PDSS2: variants seen among roughly 807,000 people sequenced by gnomAD.
PDSS2 encodes all trans-polyprenyl-diphosphate synthase PDSS2.
A neutral mutation model predicts 44.5 loss-of-function variants in PDSS2; 31 were observed. The observed-to-expected ratio is 0.70, with a 90% confidence interval of 0.52 to 0.94. PDSS2 has a LOEUF of 0.94. Ranked by LOEUF, PDSS2 falls within the 40% of genes least tolerant of loss-of-function variation. The pLI, the probability that PDSS2 is intolerant of heterozygous loss-of-function variation, is 0.00. For missense variants in PDSS2, 452 were observed against 482.2 expected (o/e 0.94, Z 0.59); for synonymous variants, 157 against 180.3 (o/e 0.87, Z 1.03).
chr6:107,223,290 G>C (rs989718118), intron 4 of PDSS2, among the ~76,000 whole-genome samples: 2 of 150,972 alleles, frequency 1.3e-5, no homozygotes, highest in Non-Finnish European at 2.9e-5. Context: ...GGCACTTTGG[G>C]AGGCCGAGGT....
intron 4 of PDSS2, among the ~76,000 whole-genome samples, chr6:107,225,161 ATTTTTTTTTT>A (rs71012786): frequency 4.0e-4 from 20 of 50,374 alleles, no homozygotes; most frequent in African/African-American, 1.1e-3. Flanking sequence ...ATATATATAT[ATTTTTTTTTT>A]TTTTTTTTTT....
chr6:107,380,385 C>T (rs1779419925), intron 1 of PDSS2, among the ~76,000 whole-genome samples: 1 of 152,174 alleles, frequency 6.6e-6, no homozygotes, highest in South Asian at 2.1e-4. Flanking sequence ...TTTTCCCCCT[C>T]CCTTTATGTT....
chr6:107,289,628 C>T (rs376828599), intron 2 of PDSS2, among the ~76,000 whole-genome samples: 9 of 144,620 alleles, frequency 6.2e-5, no homozygotes, highest in Non-Finnish European at 1.4e-4. Flanking sequence ...CCTAGGATGT[C>T]GAGGCTGCAG....
intron 1 of PDSS2, among the ~76,000 whole-genome samples, chr6:107,402,466 A>ATACATATATACGTATATACG (rs1780149937): frequency 3.8e-5 from 1 of 26,492 alleles, no homozygotes; most frequent in Non-Finnish European, 1.1e-4. Context: ...ATATATACGT[A>ATACATATATACGTATATACG]TATATATGTA....
intron 2 of PDSS2, among the ~76,000 whole-genome samples, chr6:107,311,154 G>A (rs761148325): frequency 8.1e-5 from 12 of 148,846 alleles, no homozygotes; most frequent in Non-Finnish European, 1.6e-4. Context: ...CTGACTTTGT[G>A]ATCCACCTGC....
At chr6:107,249,990 A>C (rs1774759225) in intron 3 of PDSS2, among the ~76,000 whole-genome samples, 1 of 152,206 alleles carries the variant, frequency 6.6e-6, no homozygotes, top group Non-Finnish European at 1.5e-5. Flanking sequence ...TCTCAGGGGA[A>C]TATATAATTG....
chr6:107,197,468 A>T, intron 6 of PDSS2, among the ~76,000 whole-genome samples: 1 of 137,096 alleles, frequency 7.3e-6, no homozygotes, highest in Non-Finnish European at 1.5e-5. Flanking sequence ...CAACAAAGTG[A>T]GACCCCCATC....
intron 1 of PDSS2, among the ~76,000 whole-genome samples, chr6:107,353,421 T>G (rs1015484511): frequency 6.6e-6 from 1 of 152,212 alleles, no homozygotes; most frequent in African/African-American, 2.4e-5. Context: ...CTTTAAAAAG[T>G]CATAACCATT....
intron 4 of PDSS2, 145 bp downstream of exon 4, chr6:107,245,402 TA>T (rs1774573735): frequency 1.8e-6 from 1 of 546,916 alleles, no homozygotes; most frequent in Non-Finnish European, 3.0e-6. Context: ...CATGAATTTG[TA>T]GCCAAAACAC....
At position 107,438,899 on chromosome 6, in the gene PDSS2, A is replaced by G. The variant is rs531410185; in HGVS notation, c.296+20091T>C. On this transcript the variant is annotated intron_variant, in intron 1 of 7. Transcript: ENST00000369037. ...ACAACAGTCATCATGACAAAGCCCA[A>G]GCACACCTAGTTTTCAGATGTTACC... Among the ~76,000 whole-genome samples, 13 of 152,338 alleles carry G rather than the reference A, an allele frequency of 8.5e-5. No homozygotes were observed. The South Asian group carries it at 2.7e-3, about 32-fold the overall frequency.
chr6:107,377,586 CAT>C (rs1229074680), intron 1 of PDSS2, among the ~76,000 whole-genome samples: 2 of 152,132 alleles, frequency 1.3e-5, no homozygotes, highest in Non-Finnish European at 2.9e-5. Context: ...CACACGCACA[CAT>C]ATGTTTATTG....
chr6:107,270,191 C>T (rs1279694259), intron 3 of PDSS2, among the ~76,000 whole-genome samples: 2 of 152,134 alleles, frequency 1.3e-5, no homozygotes, highest in Non-Finnish European at 2.9e-5. Flanking sequence ...TCACTGCAAC[C>T]TCCACCACCC....
intron 7 of PDSS2, among the ~76,000 whole-genome samples, chr6:107,168,483 G>T (rs1771436314): frequency 1.3e-5 from 2 of 151,586 alleles, no homozygotes; most frequent in Admixed American, 1.3e-4. Context: ...TACATTTAAG[G>T]TTAATATTGT....
At position 107,210,498 on chromosome 6, in the gene PDSS2, G is replaced by C; in HGVS notation, c.949C>G (p.Pro317Ala). Residue 317 changes from proline to alanine, a missense_variant, in exon 6 of 8, where the codon CCT becomes GCT. Physicochemically the swap from Pro to Ala is conservative, Grantham distance 27. Transcript: ENST00000369037. ...AGAAATTCCTGATGTAAGACTACAG[G>C]AGCTGAGTTTAGATTAAAAGTCATG... ...DSMTFNLNSA[P>A]VVLHQEFLGR... The C allele has an allele frequency of 6.2e-7, 1 of 1,605,930 alleles. No homozygotes were observed. Among genetic ancestry groups the C allele is most frequent in the Non-Finnish European group, 8.5e-7 (1 of 1,172,830 alleles).
intron 1 of PDSS2, among the ~76,000 whole-genome samples, chr6:107,434,943 A>AT (rs1298836787): frequency 5.9e-5 from 9 of 151,848 alleles, no homozygotes; most frequent in Non-Finnish European, 1.2e-4. Flanking sequence ...ACTCATAAAA[A>AT]TTTTTTTTAA....
intron 1 of PDSS2, among the ~76,000 whole-genome samples, chr6:107,407,213 T>C (rs1035506901): frequency 1.3e-5 from 2 of 152,212 alleles, no homozygotes; most frequent in Admixed American, 1.3e-4. Flanking sequence ...ACAAACATTG[T>C]ATGATTCTAC....
chr6:107,429,387 C>T (rs1345730138), intron 1 of PDSS2, among the ~76,000 whole-genome samples: 1 of 152,128 alleles, frequency 6.6e-6, no homozygotes, highest in Admixed American at 6.5e-5. Context: ...CTGCAGAAAA[C>T]TCTACCAAAC....
At chr6:107,233,228 C>A (rs1162584045) in intron 4 of PDSS2, among the ~76,000 whole-genome samples, 4 of 152,134 alleles carry the variant, frequency 2.6e-5, no homozygotes, top group Non-Finnish European at 4.4e-5. Context: ...GCTGCACTTT[C>A]TCCTACATAT....
intron 1 of PDSS2, among the ~76,000 whole-genome samples, chr6:107,410,753 G>A (rs974686084): frequency 6.6e-6 from 1 of 152,072 alleles, no homozygotes; most frequent in Non-Finnish European, 1.5e-5. Flanking sequence ...CTCCCAAAGT[G>A]CTGAGATTAC....
Sources: allele counts gnomAD v4.1 joint callset (sites outside exome capture counted in the v4.1 genomes callset), GRCh38; gene constraint gnomAD v4.1.1; transcripts MANE v1.5; gene names NCBI Gene and HGNC (gene_info 2026-07-23, HGNC 2026-07-21).